DOK6: variants seen among roughly 807,000 people sequenced by gnomAD.
DOK6 encodes docking protein 6, also known as downstream of tyrosine kinase 6.
Under a neutral mutation model 44.0 loss-of-function variants are expected in DOK6, and 22 were observed. The observed-to-expected ratio is 0.50, with a 90% CI of 0.36 to 0.71. DOK6 has a LOEUF of 0.71. DOK6 is among the 30% of genes least tolerant of loss of function. The probability of loss-of-function intolerance (pLI) is 0.00; values close to 1 mark genes in which losing one functional copy is unlikely to be tolerated. For synonymous variants in DOK6, 166 were observed against 145.5 expected (o/e 1.14, Z -1.01); for missense variants, 340 against 416.4 (o/e 0.82, Z 1.60).
chr18:69,524,592 A>G (rs957712276), intron 1 of DOK6, among the ~76,000 whole-genome samples: 3 of 151,992 alleles, frequency 2.0e-5, no homozygotes, highest in African/African-American at 7.2e-5. Flanking sequence ...AATATACAAA[A>G]TAAATCTAGG....
chr18:69,564,378 A>C, intron 1 of DOK6, 109 bp from the exon 2 acceptor site: 1 of 782,472 alleles, frequency 1.3e-6, no homozygotes, highest in Admixed American at 3.2e-5. Flanking sequence ...GTCAATCAAA[A>C]ACAGTTCCTC....
Position 69,579,263 on chromosome 18 carries a change from GA to G in DOK6, c.174+14672del, listed in dbSNP as rs528337400. Among the ~76,000 whole-genome samples, 183 of 152,300 alleles carry G rather than the reference GA, an allele frequency of 1.2e-3. 1 individual carries two copies. Among genetic ancestry groups the G allele is most frequent in the Admixed American group, 7.1e-3 (109 of 15,304 alleles). ...TTATTTGGAAGTGGAGAGAGGAAGA[GA>G]AAGAAAGATTATAAATTTTTGCTTT... On this transcript the variant is annotated intron_variant, in intron 2 of 7. Transcript: ENST00000382713.
At chr18:69,823,161 G>A (rs929063050) in intron 7 of DOK6, among the ~76,000 whole-genome samples, 9 of 152,298 alleles carry the variant, frequency 5.9e-5, no homozygotes, top group African/African-American at 2.2e-4. Flanking sequence ...TTTATTGAGT[G>A]CCTGCTGTGT....
chr18:69,777,243 A>T (rs1195446030), intron 7 of DOK6, among the ~76,000 whole-genome samples: 2 of 152,054 alleles, frequency 1.3e-5, no homozygotes, highest in Non-Finnish European at 2.9e-5. Flanking sequence ...ATTTTCCTTA[A>T]GATAATTATT....
intron 3 of DOK6, among the ~76,000 whole-genome samples, chr18:69,663,883 C>T (rs75703860): frequency 0.016 from 2,367 of 152,214 alleles, 141 homozygotes; most frequent in East Asian, 0.12. Flanking sequence ...GGGCTCCAAA[C>T]ACAAGAGGAC....
At chr18:69,481,378 C>T (rs1980416619) in intron 1 of DOK6, among the ~76,000 whole-genome samples, 1 of 149,890 alleles carries the variant, frequency 6.7e-6, no homozygotes, top group Admixed American at 6.6e-5. Context: ...ACCCCCTACC[C>T]CCACCCCACA....
intron 7 of DOK6, among the ~76,000 whole-genome samples, chr18:69,840,043 G>T (rs865964464): frequency 1.3e-5 from 2 of 152,172 alleles, no homozygotes; most frequent in Non-Finnish European, 2.9e-5. Flanking sequence ...CAGTTCATCC[G>T]AGTTTCCTCC....
chr18:69,547,265 T>G (rs186555023), intron 1 of DOK6, among the ~76,000 whole-genome samples: 3 of 150,968 alleles, frequency 2.0e-5, no homozygotes, highest in Admixed American at 2.0e-4. Flanking sequence ...CACGCCCAGC[T>G]AATTTTTGTA....
intron 1 of DOK6, among the ~76,000 whole-genome samples, chr18:69,489,729 A>G (rs1980682693): frequency 6.6e-6 from 1 of 152,152 alleles, no homozygotes; most frequent in Non-Finnish European, 1.5e-5. Context: ...AGCCCTGTTC[A>G]GATTTTCATG....
At chr18:69,428,918 A>T (rs1404190676) in intron 1 of DOK6, among the ~76,000 whole-genome samples, 1 of 152,216 alleles carries the variant, frequency 6.6e-6, no homozygotes, top group Non-Finnish European at 1.5e-5. Flanking sequence ...GTGTTTCCTT[A>T]TAGGCACCTA....
chr18:69,438,279 T>C (rs1275061366), intron 1 of DOK6, among the ~76,000 whole-genome samples: 1 of 152,244 alleles, frequency 6.6e-6, no homozygotes, highest in Non-Finnish European at 1.5e-5. Context: ...TTTGTTGTCA[T>C]GCCAACCATG....
chr18:69,714,941 A>G (rs1410089675), intron 5 of DOK6, among the ~76,000 whole-genome samples: 1 of 152,216 alleles, frequency 6.6e-6, no homozygotes, highest in Non-Finnish European at 1.5e-5. Context: ...ATCATACCGT[A>G]GAAAATTACT....
chr18:69,444,411 T>C (rs1260696095), intron 1 of DOK6, among the ~76,000 whole-genome samples: 1 of 152,168 alleles, frequency 6.6e-6, no homozygotes, highest in Non-Finnish European at 1.5e-5. Context: ...TGGACTTGAT[T>C]CAATTTGTGG....
chr18:69,658,011 G>C (rs1053438600), intron 3 of DOK6, among the ~76,000 whole-genome samples: 1 of 152,112 alleles, frequency 6.6e-6, no homozygotes, highest in Non-Finnish European at 1.5e-5. Context: ...GAATGCAGTG[G>C]CATGATCATG....
chr18:69,670,356 T>G (rs1228417986), intron 3 of DOK6, among the ~76,000 whole-genome samples: 1 of 152,154 alleles, frequency 6.6e-6, no homozygotes, highest in Non-Finnish European at 1.5e-5. Context: ...CTCTCTCAAC[T>G]GCCAACCACC....
At chr18:69,503,949 C>A (rs935428531) in intron 1 of DOK6, among the ~76,000 whole-genome samples, 1 of 151,898 alleles carries the variant, frequency 6.6e-6, no homozygotes, top group Non-Finnish European at 1.5e-5. Context: ...AAAGAACTAC[C>A]TTTTGCAAAT....
At chr18:69,602,590 T>C (rs987395791) in intron 3 of DOK6, among the ~76,000 whole-genome samples, 8 of 152,206 alleles carry the variant, frequency 5.3e-5, no homozygotes, top group Non-Finnish European at 1.2e-4. Flanking sequence ...TAAAAATTTA[T>C]CAATACTAGT....
chr18:69,544,129 G>A (rs570305561), intron 1 of DOK6, among the ~76,000 whole-genome samples: 1 of 150,918 alleles, frequency 6.6e-6, no homozygotes, highest in East Asian at 1.9e-4. Flanking sequence ...GTGGTGGCGT[G>A]CATCTGTAAT....
Position 69,694,636 on chromosome 18 carries a change from T to C in DOK6, c.410-3768T>C, listed in dbSNP as rs74821071. On this transcript the variant is annotated intron_variant, in intron 4 of 7. Coordinates refer to ENST00000382713, the MANE Select transcript of DOK6 (RefSeq NM_152721.6). The stretch of plus-strand genomic sequence containing the variant: ...CTTTTTAACTCTGTAGTTTTAAATC[T>C]TATATGAATGAATACATTTTGATTT... Among the ~76,000 whole-genome samples the C allele has an allele frequency of 1.8e-4, 28 of 152,246 alleles. No homozygotes were observed. The East Asian group carries it at 5.2e-3, about 28-fold the overall frequency.
Sources: gnomAD v4.1 joint callset for allele counts (sites outside exome capture counted in the v4.1 genomes callset) on GRCh38, gnomAD v4.1.1 for gene constraint, MANE v1.5 for transcripts, NCBI Gene and HGNC (gene_info 2026-07-23, HGNC 2026-07-21) for gene names.